The following SLC25A21 variants were observed in gnomAD, a reference collection of about 807,000 sequenced individuals.
SLC25A21 encodes solute carrier family 25 member 21.
A neutral mutation model predicts 43.8 loss-of-function variants in SLC25A21; 47 were observed. The observed-to-expected ratio is 1.07, with a 90% CI of 0.85 to 1.37. SLC25A21 has a LOEUF of 1.37. Ranked by LOEUF, SLC25A21 falls within the 40% of genes most tolerant of loss-of-function variation. SLC25A21 has a pLI of 0.00. For missense variants in SLC25A21, 352 were observed against 350.2 expected, an observed-to-expected ratio of 1.00 and a Z score of -0.04; for synonymous variants, 131 against 121.3, an observed-to-expected ratio of 1.08 and a Z score of -0.52.
chr14:37,013,313 G>T (rs1175257916), intron 1 of SLC25A21, among the ~76,000 whole-genome samples: 1 of 152,026 alleles, frequency 6.6e-6, no homozygotes, highest in Non-Finnish European at 1.5e-5. Flanking sequence ...TGTCCTAGTC[G>T]ACATTTCCTT....
intron 1 of SLC25A21, among the ~76,000 whole-genome samples, chr14:37,112,295 G>A (rs544393633): frequency 1.7e-3 from 264 of 152,170 alleles, no homozygotes; most frequent in Middle Eastern, 3.4e-3. Flanking sequence ...GAGAACACTA[G>A]CTATTTACAT....
intron 1 of SLC25A21, among the ~76,000 whole-genome samples, chr14:36,917,277 CTAAG>C (rs1891856831): frequency 6.6e-6 from 1 of 152,066 alleles, no homozygotes; most frequent in Admixed American, 6.6e-5. Context: ...CCTCTTTCTC[CTAAG>C]TGAGCCTCAT....
chr14:37,054,181 A>C (rs966374946), intron 1 of SLC25A21, among the ~76,000 whole-genome samples: 1 of 152,154 alleles, frequency 6.6e-6, no homozygotes, highest in Non-Finnish European at 1.5e-5. Flanking sequence ...AGCTGTCCTT[A>C]TAAGATAGTT....
chr14:36,955,739 GT>G (rs1959324060), intron 1 of SLC25A21, among the ~76,000 whole-genome samples: 1 of 150,420 alleles, frequency 6.6e-6, no homozygotes, highest in Non-Finnish European at 1.5e-5. Flanking sequence ...GTTTTTTTTT[GT>G]TTTTTGTTTT....
chr14:36,802,318 C>T (rs1273518013), intron 3 of SLC25A21, among the ~76,000 whole-genome samples: 1 of 152,092 alleles, frequency 6.6e-6, no homozygotes, highest in African/African-American at 2.4e-5. Flanking sequence ...CTATGTGATA[C>T]ACTATAGGAG....
At chr14:36,692,640 C>A (rs774976408) in intron 7 of SLC25A21, among the ~76,000 whole-genome samples, 3 of 152,088 alleles carry the variant, frequency 2.0e-5, no homozygotes, top group Non-Finnish European at 4.4e-5. Context: ...GCATTTCACC[C>A]AGCGATATGC....
At chr14:37,141,871 G>GT (rs1963577322) in intron 1 of SLC25A21, among the ~76,000 whole-genome samples, 2 of 152,174 alleles carry the variant, frequency 1.3e-5, no homozygotes, top group African/African-American at 4.8e-5. Context: ...CTCAAGGATA[G>GT]TATTTCTCAA....
intron 1 of SLC25A21, among the ~76,000 whole-genome samples, chr14:36,889,679 G>T (rs1162534316): frequency 6.6e-6 from 1 of 151,878 alleles, no homozygotes; most frequent in African/African-American, 2.4e-5. Context: ...TTTTTGTAGA[G>T]ACAGGGTCTC....
At chr14:37,105,665 AAG>A in intron 1 of SLC25A21, among the ~76,000 whole-genome samples, 1 of 152,336 alleles carries the variant, frequency 6.6e-6, no homozygotes, top group Non-Finnish European at 1.5e-5. Context: ...TATTAAAATG[AAG>A]AAACCAAGTT....
At chr14:36,934,020 C>A (rs1417807528) in intron 1 of SLC25A21, among the ~76,000 whole-genome samples, 1 of 152,062 alleles carries the variant, frequency 6.6e-6, no homozygotes, top group African/African-American at 2.4e-5. Context: ...TGACTACAGA[C>A]TAGCTTTCAG....
intron 1 of SLC25A21, among the ~76,000 whole-genome samples, chr14:37,113,492 TC>T (rs1034752265): frequency 1.3e-5 from 2 of 152,152 alleles, no homozygotes; most frequent in Non-Finnish European, 2.9e-5. Flanking sequence ...ATGCTTTCTT[TC>T]CCCAGAGTCT....
intron 3 of SLC25A21, among the ~76,000 whole-genome samples, chr14:36,789,642 G>A (rs76915102): frequency 0.036 from 5,148 of 142,500 alleles, 339 homozygotes; most frequent in African/African-American, 0.13. Context: ...GAGGAAAAAA[G>A]CTTTTCATCC....
chr14:37,147,844 C>CTTTTTTTTTTTTTTTTTT (rs61239254), intron 1 of SLC25A21, among the ~76,000 whole-genome samples: 24 of 126,232 alleles, frequency 1.9e-4, no homozygotes, highest in Non-Finnish European at 3.0e-4. Context: ...TTTTTCTTTT[C>CTTTTTTTTTTTTTTTTTT]TTTTTTTTTT....
intron 2 of SLC25A21, among the ~76,000 whole-genome samples, chr14:36,842,562 T>C (rs1303613396): frequency 6.6e-6 from 1 of 152,218 alleles, no homozygotes; most frequent in Non-Finnish European, 1.5e-5. Flanking sequence ...ACTAAACTCC[T>C]GGTTTATTTG....
At chr14:36,878,949 G>A (rs754606472) in intron 1 of SLC25A21, among the ~76,000 whole-genome samples, 2 of 151,834 alleles carry the variant, frequency 1.3e-5, no homozygotes, top group Non-Finnish European at 2.9e-5. Flanking sequence ...CACCTTCTCT[G>A]GGGAAAAAAG....
chr14:36,894,177 A>C (rs1434677741), intron 1 of SLC25A21, among the ~76,000 whole-genome samples: 1 of 152,106 alleles, frequency 6.6e-6, no homozygotes, highest in African/African-American at 2.4e-5. Flanking sequence ...ATAAGCATGG[A>C]ATGTTCTTCC....
chr14:36,804,009 C>T (rs994998542), intron 3 of SLC25A21, among the ~76,000 whole-genome samples: 1 of 152,180 alleles, frequency 6.6e-6, no homozygotes, highest in Non-Finnish European at 1.5e-5. Context: ...ACCTTGGTCT[C>T]ATAGAATGAT....
At chr14:37,044,903 A>G (rs1367988390) in intron 1 of SLC25A21, among the ~76,000 whole-genome samples, 1 of 152,216 alleles carries the variant, frequency 6.6e-6, no homozygotes, top group East Asian at 1.9e-4. Context: ...CTCTAGATCA[A>G]TGTCTCCCCA....
intron 1 of SLC25A21, among the ~76,000 whole-genome samples, chr14:37,055,565 T>C (rs980573782): frequency 3.9e-5 from 6 of 152,128 alleles, no homozygotes; most frequent in African/African-American, 1.4e-4. Context: ...GAAACATTCT[T>C]TCTGGTGGGC....
Sources: allele counts gnomAD v4.1 joint callset (sites outside exome capture counted in the v4.1 genomes callset), GRCh38; gene constraint gnomAD v4.1.1; transcripts MANE v1.5; gene names NCBI Gene and HGNC (gene_info 2026-07-23, HGNC 2026-07-21).